The following PLXDC1 variants were observed in gnomAD, a reference collection of about 807,000 sequenced individuals.
PLXDC1 encodes the protein plexin domain containing 1.
A neutral mutation model predicts 61.3 loss-of-function variants in PLXDC1; 39 were observed. The ratio of observed to expected loss-of-function variants is 0.64; its 90% CI spans 0.49 to 0.83. The LOEUF is 0.83. Ranked by LOEUF, PLXDC1 falls within the 40% of genes least tolerant of loss-of-function variation. PLXDC1 has a pLI of 0.00. For synonymous variants in PLXDC1, 212 were observed against 254.5 expected, an observed-to-expected ratio of 0.83 and a Z score of 1.59; for missense variants, 596 against 666.5, an observed-to-expected ratio of 0.89 and a Z score of 1.17.
intron 13 of PLXDC1, among the ~76,000 whole-genome samples, 189 bp downstream of exon 13, chr17:39,069,667 G>GGTGC (rs1313311049): frequency 2.6e-5 from 4 of 152,166 alleles, no homozygotes; most frequent in Admixed American, 2.6e-4. Context: ...GGAGTTCTGA[G>GGTGC]GTGCTGATTT....
intron 11 of PLXDC1, among the ~76,000 whole-genome samples, chr17:39,074,392 C>T (rs1252028842): frequency 6.6e-6 from 1 of 151,984 alleles, no homozygotes; most frequent in Non-Finnish European, 1.5e-5. Flanking sequence ...TTTGCCACCT[C>T]TTCCAGGACT....
chr17:39,086,859 C>CAAAACAAAAAAAA (rs1909758657), intron 8 of PLXDC1, among the ~76,000 whole-genome samples: 1 of 71,522 alleles, frequency 1.4e-5, no homozygotes, highest in Non-Finnish European at 2.4e-5. Flanking sequence ...GAGACTGTCT[C>CAAAACAAAAAAAA]AAAAAAAAAA....
chr17:39,114,799 G>A (rs969352955), intron 2 of PLXDC1, among the ~76,000 whole-genome samples: 4 of 152,312 alleles, frequency 2.6e-5, no homozygotes, highest in South Asian at 4.1e-4. Flanking sequence ...AACCTGAGCG[G>A]GCCAGTGTTT....
intron 7 of PLXDC1, among the ~76,000 whole-genome samples, chr17:39,094,618 CAG>C (rs533210508): frequency 2.6e-5 from 4 of 152,224 alleles, no homozygotes; most frequent in Non-Finnish European, 4.4e-5. Flanking sequence ...TCCGCTAAGA[CAG>C]AGTCTGCATG....
chr17:39,103,067 T>G (rs1343686791), intron 7 of PLXDC1, among the ~76,000 whole-genome samples: 1 of 151,902 alleles, frequency 6.6e-6, no homozygotes, highest in Non-Finnish European at 1.5e-5. Flanking sequence ...ATACAAAAAT[T>G]AGCCAGGCGT....
In PLXDC1 at chr17:39,144,543, A is replaced by G. The variant is rs550221600; in HGVS notation, c.77-4711T>C. Among the ~76,000 whole-genome samples the G allele has an allele frequency of 5.3e-5, 8 of 152,330 alleles. No individual in the cohort carries two copies. In the South Asian group the frequency reaches 1.7e-3, roughly 32 times the overall value. ...GGACGTCATCCCCACGACTCATGAA[A>G]GAAGCCAACACAGCTGGTTGCTCAC... On this transcript the variant is annotated intron_variant, in intron 1 of 13. Coordinates refer to ENST00000315392, the MANE Select transcript of PLXDC1 (RefSeq NM_020405.5).
In PLXDC1 at chr17:39,067,989, G is replaced by T. The variant is rs747803359; in HGVS notation, c.1384-30C>A. 2.1e-5 allele frequency: 34 copies of T among 1,609,698 alleles called. No individual in the cohort carries two copies. The South Asian group carries it at 3.5e-4, about 17-fold the overall frequency. On this transcript the variant is annotated intron_variant, in intron 13 of 13. Coordinates refer to ENST00000315392, the MANE Select transcript of PLXDC1 (RefSeq NM_020405.5). ...AGAAGGCACAGAGGCAAAGTCAGTG[G>T]GCATGCCCCCGCCCCCATGGGGACC... is the stretch of plus-strand genomic sequence containing the variant.
chr17:39,146,873 AAG>A (rs1388822935), intron 1 of PLXDC1, among the ~76,000 whole-genome samples: 4 of 151,560 alleles, frequency 2.6e-5, no homozygotes, highest in Non-Finnish European at 5.9e-5. Context: ...AAAAAAAAAA[AAG>A]AAGGATTAAG....
At chr17:39,128,492 T>C (rs2143843137) in intron 2 of PLXDC1, among the ~76,000 whole-genome samples, 1 of 150,414 alleles carries the variant, frequency 6.6e-6, no homozygotes, top group East Asian at 2.0e-4. Context: ...AGTGCTGGGA[T>C]TACAGGCATG....
chr17:39,147,580 G>C (rs938223823), intron 1 of PLXDC1, among the ~76,000 whole-genome samples: 1 of 152,044 alleles, frequency 6.6e-6, no homozygotes, highest in Non-Finnish European at 1.5e-5. Context: ...TGGCAGGTAG[G>C]GACCCACTGA....
rs146211481 is a variant in PLXDC1 at position 39,068,812 on chromosome 17, G to A, written c.1384-853C>T. On this transcript the variant is annotated intron_variant, in intron 13 of 13. Coordinates refer to ENST00000315392, the MANE Select transcript of PLXDC1 (RefSeq NM_020405.5). ...AATGACTAAGCCTCCTAAGAAACTGGGGGAATGACCTAGGCCTGTGGGTTA... is the reference window on the plus strand; with the variant it reads ...AATGACTAAGCCTCCTAAGAAACTGAGGGAATGACCTAGGCCTGTGGGTTA... Among the ~76,000 whole-genome samples, 17 of 152,322 alleles carry A rather than the reference G, an allele frequency of 1.1e-4. No homozygotes were observed. In the East Asian group the frequency reaches 3.3e-3, roughly 29 times the overall value.
At chr17:39,082,286 G>A (rs989205501) in intron 9 of PLXDC1, among the ~76,000 whole-genome samples, 1 of 152,160 alleles carries the variant, frequency 6.6e-6, no homozygotes, top group Non-Finnish European at 1.5e-5. Context: ...AATCACTGGG[G>A]CCGGGGCAGT....
At chr17:39,109,482 T>G (rs1910719837) in intron 2 of PLXDC1, 91 bp from the exon 3 acceptor site, 1 of 1,464,688 alleles carries the variant, frequency 6.8e-7, no homozygotes, top group African/African-American at 1.4e-5. Flanking sequence ...GATTTCTGGG[T>G]ACAGGAAGTC....
chr17:39,102,356 G>A (rs1157416244), intron 7 of PLXDC1, among the ~76,000 whole-genome samples: 1 of 152,104 alleles, frequency 6.6e-6, no homozygotes, highest in Non-Finnish European at 1.5e-5. Flanking sequence ...CCACCTATGA[G>A]GAGGGTAAAG....
Position 39,072,431 on chromosome 17 carries a change from C to T in PLXDC1, c.1222+19G>A. ...GAGGCGCTGGGTCTGACGCTGAGGG[C>T]AGGCAGTTCTGTACTCACCGTCTCC... On this transcript the variant is annotated intron_variant, in intron 12 of 13. Transcript: ENST00000315392. 2 of 1,537,050 alleles carry T rather than the reference C, an allele frequency of 1.3e-6. No individual in the cohort carries two copies. Among genetic ancestry groups the T allele is most frequent in the Non-Finnish European group, 1.8e-6 (2 of 1,131,368 alleles).
At chr17:39,085,211 A>G (rs888925589) in intron 8 of PLXDC1, among the ~76,000 whole-genome samples, 1 of 152,248 alleles carries the variant, frequency 6.6e-6, no homozygotes, top group African/African-American at 2.4e-5. Context: ...GAGAGGCTGC[A>G]TGGGCACAGT....
At chr17:39,096,913 C>G in intron 7 of PLXDC1, 1 of 471,294 alleles carries the variant, frequency 2.1e-6, no homozygotes, top group Non-Finnish European at 4.4e-6. Flanking sequence ...CAAACAGATG[C>G]TGCTAATTGC....
Position 39,139,545 on chromosome 17 carries a change from C to T in PLXDC1, c.255+109G>A. The stretch of plus-strand genomic sequence containing the variant: ...TTCTCTCCACCCTGTCCTCCGGGGC[C>T]AACCCCAAATGATATGTGATTTGCA... On this transcript the variant is annotated intron_variant, in intron 2 of 13. Coordinates refer to ENST00000315392, the MANE Select transcript of PLXDC1 (RefSeq NM_020405.5). 1.0e-5 allele frequency: 11 copies of T among 1,093,882 alleles called. No individual in the cohort carries two copies. The South Asian group carries it at 1.6e-4, about 16-fold the overall frequency. The allele number at this position is 1,093,882 out of a possible 1,614,324, so 67.8% of individuals were successfully genotyped here.
intron 9 of PLXDC1, chr17:39,079,521 T>G (rs16968596): frequency 0.017 from 7,987 of 461,728 alleles, 457 homozygotes; most frequent in African/African-American, 0.13. Context: ...TCCTGGTTGT[T>G]GAGGGACCTA....
Sources: gnomAD v4.1 joint callset for allele counts (sites outside exome capture counted in the v4.1 genomes callset) on GRCh38, gnomAD v4.1.1 for gene constraint, MANE v1.5 for transcripts, NCBI Gene and HGNC (gene_info 2026-07-23, HGNC 2026-07-21) for gene names.